The following MGLL variants were observed in gnomAD, a reference collection of about 807,000 sequenced individuals.
The protein encoded by MGLL is monoglyceride lipase, also known as lysophospholipase homolog.
In MGLL, 7 loss-of-function variants were observed where a neutral mutation model predicts 29.1. The ratio of observed to expected loss-of-function variants is 0.24; its 90% CI spans 0.14 to 0.45. MGLL has a LOEUF of 0.45. MGLL is among the 20% of genes least tolerant of loss of function. The pLI is 0.99. For missense variants in MGLL, 356 were observed against 413.6 expected, an observed-to-expected ratio of 0.86 and a Z score of 1.21; for synonymous variants, 148 against 168.3, an observed-to-expected ratio of 0.88 and a Z score of 0.93.
chr3:127,809,562 AC>A (rs1310292404), intron 2 of MGLL, among the ~76,000 whole-genome samples: 1 of 151,852 alleles, frequency 6.6e-6, no homozygotes, highest in Non-Finnish European at 1.5e-5. Context: ...GGAGTTGGAG[AC>A]TGCAGTGAGC....
At position 127,690,628 on chromosome 3, in the gene MGLL, T is replaced by G. The variant is rs1039533532; in HGVS notation, c.*1570A>C. 8 of 152,762 alleles carry G rather than the reference T, an allele frequency of 5.2e-5. No homozygotes were observed. Among genetic ancestry groups the G allele is most frequent in the African/African-American group, 1.9e-4 (8 of 41,462 alleles). 9.5% of individuals were successfully genotyped at this position (152,762 alleles called of 1,614,324 possible). On this transcript the variant is annotated 3_prime_UTR_variant, in exon 8 of 8. Coordinates refer to ENST00000265052, the MANE Select transcript of MGLL (RefSeq NM_007283.7). ...CTGGTGGGAAGTGGCCTCTCCTCTG[T>G]GGCCCCAGAACCCCTACATTGCACC... is the stretch of plus-strand genomic sequence containing the variant.
intron 3 of MGLL, among the ~76,000 whole-genome samples, chr3:127,747,589 C>G (rs2076472137): frequency 6.6e-6 from 1 of 152,206 alleles, no homozygotes; most frequent in Admixed American, 6.5e-5. Context: ...ACAAGAGGTT[C>G]CCTCCAGGGC....
chr3:127,784,981 C>T (rs1344468516), intron 2 of MGLL, among the ~76,000 whole-genome samples: 1 of 152,206 alleles, frequency 6.6e-6, no homozygotes, highest in African/African-American at 2.4e-5. Context: ...TCCGAGGCCT[C>T]CTTTCTGGTG....
chr3:127,782,937 C>T (rs868722711), intron 2 of MGLL, among the ~76,000 whole-genome samples: 12 of 151,990 alleles, frequency 7.9e-5, no homozygotes, highest in South Asian at 2.1e-4. Flanking sequence ...ACCTATAATC[C>T]CAGCACTTTC....
At chr3:127,707,155 A>C (rs1434609407) in intron 6 of MGLL, among the ~76,000 whole-genome samples, 1 of 152,206 alleles carries the variant, frequency 6.6e-6, no homozygotes, top group African/African-American at 2.4e-5. Flanking sequence ...CTTATAAAGA[A>C]CAGAGACTGG....
chr3:127,796,319 A>G (rs942106678), intron 2 of MGLL, among the ~76,000 whole-genome samples: 2 of 152,216 alleles, frequency 1.3e-5, no homozygotes, highest in Non-Finnish European at 2.9e-5. Context: ...CTCGGCTTTG[A>G]GAAGCCTAAT....
chr3:127,759,203 G>A (rs1229377176), intron 3 of MGLL, among the ~76,000 whole-genome samples: 2 of 152,168 alleles, frequency 1.3e-5, no homozygotes, highest in East Asian at 1.9e-4. Flanking sequence ...GGGATTACAG[G>A]CGTGAGCCAC....
At chr3:127,792,921 C>T (rs1010501356) in intron 2 of MGLL, among the ~76,000 whole-genome samples, 4 of 152,192 alleles carry the variant, frequency 2.6e-5, no homozygotes, top group Non-Finnish European at 5.9e-5. Flanking sequence ...CCGTGTTTTG[C>T]TTTTTAACAC....
At chr3:127,728,752 T>C (rs2076092800) in intron 3 of MGLL, among the ~76,000 whole-genome samples, 1 of 152,272 alleles carries the variant, frequency 6.6e-6, no homozygotes, top group Admixed American at 6.5e-5. Flanking sequence ...GATGCAGGAT[T>C]GCTTGGCTGA....
intron 2 of MGLL, among the ~76,000 whole-genome samples, chr3:127,802,133 C>G (rs1482736222): frequency 6.6e-6 from 1 of 152,162 alleles, no homozygotes; most frequent in Non-Finnish European, 1.5e-5. Flanking sequence ...CTGAGCCAAG[C>G]ATGTCAGGGT....
intron 3 of MGLL, among the ~76,000 whole-genome samples, chr3:127,728,609 T>C (rs1431732519): frequency 6.6e-6 from 1 of 152,236 alleles, no homozygotes; most frequent in Admixed American, 6.5e-5. Flanking sequence ...CCATAGTTTT[T>C]TCAAGCACTC....
At chr3:127,715,659 A>G in intron 5 of MGLL, 1 of 456,624 alleles carries the variant, frequency 2.2e-6, no homozygotes, top group Non-Finnish European at 4.4e-6. Flanking sequence ...CATGAAGGAA[A>G]GCAGAACGGT....
At chr3:127,750,681 G>T (rs1357643546) in intron 3 of MGLL, among the ~76,000 whole-genome samples, 1 of 152,096 alleles carries the variant, frequency 6.6e-6, no homozygotes, top group South Asian at 2.1e-4. Context: ...AATGGGTACT[G>T]TTTTTCTCTG....
At chr3:127,820,800 T>C (rs1272898078) in intron 2 of MGLL, among the ~76,000 whole-genome samples, 1 of 152,254 alleles carries the variant, frequency 6.6e-6, no homozygotes, top group Non-Finnish European at 1.5e-5. Flanking sequence ...CCTGAAGCTA[T>C]GACTCTATGC....
intron 6 of MGLL, among the ~76,000 whole-genome samples, chr3:127,698,886 G>A (rs542785482): frequency 2.6e-4 from 39 of 152,304 alleles, no homozygotes; most frequent in Admixed American, 2.2e-3. Context: ...TTCCTGTTTG[G>A]CTCACCATGG....
At chr3:127,723,786 C>A (rs144874357) in intron 3 of MGLL, among the ~76,000 whole-genome samples, 6 of 152,248 alleles carry the variant, frequency 3.9e-5, no homozygotes, top group African/African-American at 1.4e-4. Flanking sequence ...CACCTTCCCA[C>A]GCTGAGACTA....
chr3:127,776,249 G>C (rs1416819527), intron 3 of MGLL, among the ~76,000 whole-genome samples: 1 of 152,084 alleles, frequency 6.6e-6, no homozygotes, highest in Non-Finnish European at 1.5e-5. Flanking sequence ...CTTTGTGCCT[G>C]TGTGGCCTCC....
intron 3 of MGLL, chr3:127,735,569 C>T: frequency 1.1e-6 from 1 of 923,874 alleles, no homozygotes; most frequent in South Asian, 1.8e-5. Context: ...TTTTTAGAGA[C>T]TCATACTTAT....
At chr3:127,701,665 C>T (rs1281931553) in intron 6 of MGLL, among the ~76,000 whole-genome samples, 1 of 152,190 alleles carries the variant, frequency 6.6e-6, no homozygotes, top group Non-Finnish European at 1.5e-5. Context: ...CCTTGGCTGC[C>T]TGTGGAGTTT....
Sources: gnomAD v4.1 joint callset for allele counts (sites outside exome capture counted in the v4.1 genomes callset) on GRCh38, gnomAD v4.1.1 for gene constraint, MANE v1.5 for transcripts, NCBI Gene and HGNC (gene_info 2026-07-23, HGNC 2026-07-21) for gene names.